The following SLC25A48 variants were observed in gnomAD, a reference collection of about 807,000 sequenced individuals.
SLC25A48 encodes CTC-321K16.1.
In SLC25A48, 29 loss-of-function variants were observed where a neutral mutation model predicts 32.2. The observed-to-expected ratio is 0.90, with a 90% CI of 0.67 to 1.23. SLC25A48 has a LOEUF of 1.23. Ranked by LOEUF, SLC25A48 falls within the 50% of genes most tolerant of loss-of-function variation. SLC25A48 has a pLI of 0.00. For synonymous variants in SLC25A48, 164 were observed against 172.3 expected, an observed-to-expected ratio of 0.95 and a Z score of 0.38; for missense variants, 399 against 422.7, an observed-to-expected ratio of 0.94 and a Z score of 0.49.
chr5:135,852,327 G>A (rs1234627359), intron 3 of SLC25A48, among the ~76,000 whole-genome samples: 1 of 152,150 alleles, frequency 6.6e-6, no homozygotes, highest in Non-Finnish European at 1.5e-5. Flanking sequence ...TGGGTTCCAG[G>A]CCAGGACACA....
At chr5:135,696,686 C>T (rs1754274035) in intron 3 of SLC25A48, among the ~76,000 whole-genome samples, 1 of 152,198 alleles carries the variant, frequency 6.6e-6, no homozygotes, top group Non-Finnish European at 1.5e-5. Context: ...GAAACTCTGC[C>T]ACATTGTCCC....
At chr5:135,599,133 G>T (rs923277459) in intron 1 of SLC25A48, among the ~76,000 whole-genome samples, 1 of 152,098 alleles carries the variant, frequency 6.6e-6, no homozygotes, top group Admixed American at 6.5e-5. Context: ...TTAGGATTTT[G>T]TCTTTATTTC....
At chr5:135,724,512 G>A (rs776320814) in intron 3 of SLC25A48, among the ~76,000 whole-genome samples, 22 of 152,208 alleles carry the variant, frequency 1.4e-4, no homozygotes, top group Non-Finnish European at 2.1e-4. Flanking sequence ...CCCACAGTGC[G>A]TCTCTCTTTG....
At chr5:135,762,932 G>C (rs1334012547) in intron 3 of SLC25A48, among the ~76,000 whole-genome samples, 2 of 152,050 alleles carry the variant, frequency 1.3e-5, no homozygotes, top group African/African-American at 4.8e-5. Flanking sequence ...GTATGGGTGT[G>C]AGTAGGGGTA....
intron 1 of SLC25A48, among the ~76,000 whole-genome samples, chr5:135,611,895 C>G (rs915102751): frequency 2.6e-5 from 4 of 152,194 alleles, no homozygotes; most frequent in Middle Eastern, 3.2e-3. Flanking sequence ...AAAGACACAG[C>G]TGTTGAAAAG....
chr5:135,644,693 G>T (rs1451237270), intron 3 of SLC25A48, among the ~76,000 whole-genome samples: 1 of 152,126 alleles, frequency 6.6e-6, no homozygotes, highest in Non-Finnish European at 1.5e-5. Flanking sequence ...GATTTGTGTG[G>T]TTCCAAAGCC....
At chr5:135,657,965 A>T (rs1753295837) in intron 3 of SLC25A48, among the ~76,000 whole-genome samples, 4 of 152,142 alleles carry the variant, frequency 2.6e-5, no homozygotes, top group Admixed American at 2.6e-4. Context: ...CAACATTGGG[A>T]ATTATAATTA....
intron 1 of SLC25A48, among the ~76,000 whole-genome samples, chr5:135,607,533 C>G (rs1751966995): frequency 1.3e-5 from 2 of 152,202 alleles, no homozygotes; most frequent in South Asian, 4.1e-4. Context: ...TCCTCCCAAA[C>G]TTTACTCTAG....
At chr5:135,775,919 T>C (rs1400447374) in intron 3 of SLC25A48, among the ~76,000 whole-genome samples, 1 of 151,530 alleles carries the variant, frequency 6.6e-6, no homozygotes, top group Non-Finnish European at 1.5e-5. Flanking sequence ...TCCCCAAAAG[T>C]GTACACCCCC....
At chr5:135,636,953 A>T (rs1188261414) in intron 3 of SLC25A48, among the ~76,000 whole-genome samples, 2 of 151,628 alleles carry the variant, frequency 1.3e-5, no homozygotes, top group African/African-American at 4.8e-5. Context: ...AGAGGGATAG[A>T]GAGGAAGAGT....
chr5:135,801,706 G>A (rs536741464), intron 3 of SLC25A48, among the ~76,000 whole-genome samples: 62 of 151,626 alleles, frequency 4.1e-4, no homozygotes, highest in African/African-American at 1.5e-3. Flanking sequence ...AATATTAGAA[G>A]GAGAGGGGAT....
At chr5:135,875,954 A>G (rs1761998468) in intron 6 of SLC25A48, 1 of 152,154 alleles carries the variant, frequency 6.6e-6, no homozygotes, top group Non-Finnish European at 1.5e-5. Flanking sequence ...AGAAGATGTG[A>G]TACGGAGGAA....
chr5:135,765,337 G>C (rs190951686), intron 3 of SLC25A48, among the ~76,000 whole-genome samples: 1 of 151,060 alleles, frequency 6.6e-6, no homozygotes, highest in Admixed American at 6.6e-5. Context: ...GGTGTGATAT[G>C]GTTCTTAATA....
intron 3 of SLC25A48, among the ~76,000 whole-genome samples, chr5:135,794,889 A>G (rs1238567892): frequency 6.6e-6 from 1 of 151,748 alleles, no homozygotes; most frequent in East Asian, 1.9e-4. Flanking sequence ...AACCCTTTTG[A>G]TATTGTTTCT....
intron 1 of SLC25A48, among the ~76,000 whole-genome samples, chr5:135,606,207 C>T (rs2126887355): frequency 6.6e-6 from 1 of 152,270 alleles, no homozygotes; most frequent in African/African-American, 2.4e-5. Context: ...TTTTCTTCCA[C>T]ATAAAATGTC....
intron 3 of SLC25A48, among the ~76,000 whole-genome samples, chr5:135,732,505 C>T (rs561028076): frequency 4.6e-5 from 7 of 152,234 alleles, no homozygotes; most frequent in South Asian, 2.1e-4. Flanking sequence ...GGCAAATCCC[C>T]GAGCTTGATG....
intron 1 of SLC25A48, among the ~76,000 whole-genome samples, chr5:135,586,597 G>C (rs79030846): frequency 0.046 from 7,031 of 152,202 alleles, 199 homozygotes; most frequent in Non-Finnish European, 0.054. Flanking sequence ...ACACTGCTAA[G>C]CTCTCATAGG....
intron 3 of SLC25A48, among the ~76,000 whole-genome samples, chr5:135,681,277 T>C (rs535126952): frequency 5.1e-4 from 78 of 152,312 alleles, no homozygotes; most frequent in African/African-American, 1.7e-3. Flanking sequence ...CCCAGCTGTG[T>C]TTCATTTATA....
chr5:135,606,623 G>A (rs750864660), intron 1 of SLC25A48, among the ~76,000 whole-genome samples: 6 of 152,156 alleles, frequency 3.9e-5, no homozygotes, highest in Non-Finnish European at 4.4e-5. Context: ...GGCAGACCCT[G>A]AACAAGCCCC....
Sources: gnomAD v4.1 joint callset for allele counts (sites outside exome capture counted in the v4.1 genomes callset) on GRCh38, gnomAD v4.1.1 for gene constraint, MANE v1.5 for transcripts, NCBI Gene and HGNC (gene_info 2026-07-23, HGNC 2026-07-21) for gene names.